Variants in FAM53B observed in about 807,000 individuals in gnomAD.
FAM53B encodes the protein family with sequence similarity 53 member B.
A neutral mutation model predicts 32.7 loss-of-function variants in FAM53B; 12 were observed. The observed-to-expected ratio is 0.37, with a 90% confidence interval of 0.24 to 0.59. The LOEUF (loss-of-function observed/expected upper bound fraction) is 0.59, where lower values mean the gene tolerates loss of function less well. FAM53B is among the 20% of genes least tolerant of loss of function. FAM53B has a pLI of 0.72. For missense variants in FAM53B, 477 were observed against 577.7 expected (o/e 0.83, Z 1.79); for synonymous variants, 234 against 228.7 (o/e 1.02, Z -0.21).
intron 1 of FAM53B, among the ~76,000 whole-genome samples, chr10:124,741,019 G>T (rs1222769872): frequency 6.6e-6 from 1 of 152,228 alleles, no homozygotes; most frequent in African/African-American, 2.4e-5. Flanking sequence ...CCAAAGCCCT[G>T]AGCTCGGGAT....
At chr10:124,716,842 T>C (rs1408254380) in intron 1 of FAM53B, among the ~76,000 whole-genome samples, 2 of 151,214 alleles carry the variant, frequency 1.3e-5, no homozygotes, top group African/African-American at 4.9e-5. Flanking sequence ...CGCCTTCTGC[T>C]CCAAACCGGG....
At chr10:124,738,523 T>A (rs1359327707) in intron 1 of FAM53B, among the ~76,000 whole-genome samples, 1 of 151,832 alleles carries the variant, frequency 6.6e-6, no homozygotes, top group Non-Finnish European at 1.5e-5. Context: ...AGGCAGGCCT[T>A]GCTAGAGATG....
At chr10:124,709,675 C>T (rs183648119) in intron 1 of FAM53B, among the ~76,000 whole-genome samples, 96 of 152,212 alleles carry the variant, frequency 6.3e-4, no homozygotes, top group Middle Eastern at 3.4e-3. Context: ...AAATACATTA[C>T]GGTGTTGTTA....
rs955138500 is a variant in FAM53B, at chr10:124,622,287, G to C, written c.*955C>G. 1 of 152,180 alleles carries C rather than the reference G, an allele frequency of 6.6e-6. No individual in the cohort carries two copies. The highest frequency in any genetic ancestry group is 2.4e-5 in the African/African-American group (1 of 41,414). The allele number at this position is 152,180 out of a possible 1,614,324, so 9.4% of individuals were successfully genotyped here. A position where few individuals can be genotyped will look rare whatever the true frequency, so the allele number is the denominator to read the frequency against. ...GCCCTTCACCCCTGAGTGCGCATAGGGCCCTCATCTGCCCACCTGCTCGCA... is the reference window on the plus strand; with the variant it reads ...GCCCTTCACCCCTGAGTGCGCATAGCGCCCTCATCTGCCCACCTGCTCGCA... On this transcript the variant is annotated 3_prime_UTR_variant, in exon 5 of 5. Transcript: ENST00000337318.
intron 4 of FAM53B, among the ~76,000 whole-genome samples, chr10:124,676,952 C>T (rs1352994350): frequency 2.0e-5 from 3 of 152,154 alleles, no homozygotes; most frequent in East Asian, 1.9e-4. Flanking sequence ...TGTGGGCAGC[C>T]GCAATCAATC....
chr10:124,674,992 G>GGA (rs1949728675), intron 4 of FAM53B, among the ~76,000 whole-genome samples: 1 of 152,236 alleles, frequency 6.6e-6, no homozygotes, highest in Admixed American at 6.5e-5. Context: ...TCTCTGCTCA[G>GGA]GATGGCTCTC....
At chr10:124,675,874 C>T (rs1230088962) in intron 4 of FAM53B, among the ~76,000 whole-genome samples, 2 of 152,238 alleles carry the variant, frequency 1.3e-5, no homozygotes, top group East Asian at 1.9e-4. Context: ...GCTTCATCCT[C>T]AAGTGAGGGG....
At chr10:124,690,256 C>T (rs1336509989) in intron 3 of FAM53B, among the ~76,000 whole-genome samples, 1 of 152,226 alleles carries the variant, frequency 6.6e-6, no homozygotes, top group Non-Finnish European at 1.5e-5. Context: ...AATGTGCATC[C>T]CAAGCACGTG....
chr10:124,725,730 T>A (rs556703413), intron 1 of FAM53B, among the ~76,000 whole-genome samples: 9 of 152,226 alleles, frequency 5.9e-5, no homozygotes, highest in Admixed American at 2.0e-4. Context: ...TAGAATTACC[T>A]AAAGGTAGGA....
intron 4 of FAM53B, among the ~76,000 whole-genome samples, chr10:124,677,223 T>G (rs953382652): frequency 6.6e-6 from 1 of 152,204 alleles, no homozygotes; most frequent in Non-Finnish European, 1.5e-5. Context: ...AGCCAACCAA[T>G]GCTGGGTGGT....
At chr10:124,718,151 A>T (rs190811665) in intron 1 of FAM53B, among the ~76,000 whole-genome samples, 1 of 151,882 alleles carries the variant, frequency 6.6e-6, no homozygotes, top group South Asian at 2.1e-4. Flanking sequence ...CCGGTCTAAG[A>T]CTATATCACA....
At chr10:124,654,328 G>C (rs937379263) in intron 4 of FAM53B, among the ~76,000 whole-genome samples, 3 of 152,224 alleles carry the variant, frequency 2.0e-5, no homozygotes, top group Admixed American at 2.0e-4. Context: ...GGGTCTGAGC[G>C]GACTTCCTCT....
intron 4 of FAM53B, among the ~76,000 whole-genome samples, chr10:124,671,683 C>T (rs1217160297): frequency 6.6e-6 from 1 of 152,200 alleles, no homozygotes; most frequent in East Asian, 1.9e-4. Flanking sequence ...TGACACATTA[C>T]TGATGTGAGC....
intron 1 of FAM53B, among the ~76,000 whole-genome samples, chr10:124,720,185 A>C (rs547213615): frequency 4.2e-4 from 64 of 151,874 alleles, no homozygotes; most frequent in Admixed American, 2.8e-3. Context: ...AAAAACAAAC[A>C]AACCACCAAC....
In FAM53B at chr10:124,740,370, G is replaced by A. The variant is rs191963075; in HGVS notation, c.-175+3643C>T. ...AAAGAAAAATACTTCACTGTAAGAA[G>A]AACCCTAGGGAACGGTAAATTGCTT... is the stretch of plus-strand genomic sequence containing the variant. On this transcript the variant is annotated intron_variant, in intron 1 of 4. Coordinates refer to ENST00000337318, the MANE Select transcript of FAM53B (RefSeq NM_014661.4). Among the ~76,000 whole-genome samples the A allele has an allele frequency of 5.3e-5, 8 of 152,306 alleles. No homozygotes were observed. The East Asian group carries it at 1.5e-3, about 29-fold the overall frequency.
chr10:124,667,404 C>T (rs1220394379), intron 4 of FAM53B: 4 of 770,612 alleles, frequency 5.2e-6, no homozygotes, highest in Non-Finnish European at 9.7e-6. Context: ...AACGATGTGC[C>T]TTCCTCATGG....
chr10:124,667,222 A>T (rs1949678088), intron 4 of FAM53B: 2 of 563,042 alleles, frequency 3.6e-6, no homozygotes, highest in Admixed American at 3.4e-5. Context: ...CATCGATGAC[A>T]TGTGGAAATG....
At position 124,651,783 on chromosome 10, in the gene FAM53B, G is replaced by C. The variant is rs956492083; in HGVS notation, c.907-28179C>G. Among the ~76,000 whole-genome samples, 3 of 152,244 alleles carry C rather than the reference G, an allele frequency of 2.0e-5. No individual in the cohort carries two copies. Among genetic ancestry groups the C allele is most frequent in the Non-Finnish European group, 4.4e-5 (3 of 68,040 alleles). On this transcript the variant is annotated intron_variant, in intron 4 of 4. Transcript: ENST00000337318. The surrounding 1 kb of genome is among the most constrained non-coding windows in gnomAD (Gnocchi z 5.2). ...GGCAGTGACTGGGCACTGGCACATG[G>C]CGGGGACACGCCACCCCTGCTGTCT...
intron 4 of FAM53B, among the ~76,000 whole-genome samples, chr10:124,666,472 G>T (rs911746223): frequency 6.6e-6 from 1 of 152,186 alleles, no homozygotes; most frequent in Non-Finnish European, 1.5e-5. Flanking sequence ...AACCTGACGC[G>T]AGTGGCTCGA....
Sources: allele counts gnomAD v4.1 joint callset (sites outside exome capture counted in the v4.1 genomes callset), GRCh38; gene constraint gnomAD v4.1.1; non-coding constraint Gnocchi (gnomAD v3.1); transcripts MANE v1.5; gene names NCBI Gene and HGNC (gene_info 2026-07-23, HGNC 2026-07-21).